EYS: variants seen among roughly 807,000 people sequenced by gnomAD.
The protein encoded by EYS is protein eyes shut homolog.
EYS carries 250 observed loss-of-function variants against 282.1 expected under a neutral mutation model. That is an observed-to-expected ratio of 0.89 (90% CI 0.80 to 0.98). The LOEUF (loss-of-function observed/expected upper bound fraction) is 0.98, where lower values mean the gene tolerates loss of function less well. Among genes scored for constraint, EYS ranks in the 50% least tolerant of loss-of-function variants. The pLI is 0.00. For missense variants in EYS, 4,016 were observed against 3,709.0 expected (o/e 1.08, Z -2.15); for synonymous variants, 1,355 against 1,282.9 (o/e 1.06, Z -1.20).
intron 5 of EYS, among the ~76,000 whole-genome samples, chr6:65,473,203 G>A (rs2127243727): frequency 6.6e-6 from 1 of 151,922 alleles, no homozygotes; most frequent in Admixed American, 6.6e-5. Context: ...GGGACTGTAT[G>A]GTTAAGAATA....
At chr6:64,826,701 TATC>T (rs1765071004) in intron 19 of EYS, among the ~76,000 whole-genome samples, 5 of 149,084 alleles carry the variant, frequency 3.4e-5, no homozygotes, top group Admixed American at 2.0e-4. Context: ...TATATATATA[TATC>T]TGTCAATCAG....
chr6:64,857,736 G>A (rs941125521), intron 19 of EYS, among the ~76,000 whole-genome samples: 1 of 152,044 alleles, frequency 6.6e-6, no homozygotes, highest in African/African-American at 2.4e-5. Context: ...ATTTACATGA[G>A]TTCCCTTTTT....
chr6:64,820,172 G>C (rs1422081231), intron 21 of EYS, among the ~76,000 whole-genome samples: 2 of 151,882 alleles, frequency 1.3e-5, no homozygotes, highest in South Asian at 2.1e-4. Context: ...CATTTTAATG[G>C]AATGATTCCT....
chr6:65,162,574 A>G (rs1304986380), intron 12 of EYS, among the ~76,000 whole-genome samples: 1 of 151,120 alleles, frequency 6.6e-6, no homozygotes, highest in African/African-American at 2.4e-5. Context: ...TTTTCAATTA[A>G]CTAATTCTGA....
intron 22 of EYS, among the ~76,000 whole-genome samples, chr6:64,701,072 C>G (rs1349525856): frequency 2.0e-5 from 3 of 151,972 alleles, no homozygotes; most frequent in Non-Finnish European, 4.4e-5. Context: ...AGTCACGTAA[C>G]TATAGTCCAT....
At chr6:65,583,495 T>A (rs941595322) in intron 2 of EYS, among the ~76,000 whole-genome samples, 1 of 152,060 alleles carries the variant, frequency 6.6e-6, no homozygotes, top group African/African-American at 2.4e-5. Context: ...CCACTACAAA[T>A]AATATTTTAA....
intron 26 of EYS, among the ~76,000 whole-genome samples, chr6:64,482,362 C>A (rs1276646839): frequency 6.6e-6 from 1 of 151,580 alleles, no homozygotes; most frequent in Non-Finnish European, 1.5e-5. Flanking sequence ...TAGCATTGGC[C>A]ACCATATATG....
At position 64,692,977 on chromosome 6, in the gene EYS, CTTTTTT is replaced by C. The variant is rs67700846; in HGVS notation, c.3444-66738_3444-66733del. On this transcript the variant is annotated intron_variant, in intron 22 of 42. Coordinates refer to ENST00000503581, the MANE Select transcript of EYS (RefSeq NM_001142800.2). ...CTTGGGATTGGTTTGGCTGCTTGGG[CTTTTTT>C]TTTTTTTTTTTTTTTTGGTTCCAGA... 3.5e-4 allele frequency among the ~76,000 whole-genome samples: 4 copies of C among 11,500 alleles called. 1 individual carries two copies. In the Admixed American group the frequency reaches 5.6e-3, roughly 16 times the overall value. The allele number at this position is 11,500 out of a possible 152,430, so 7.5% of individuals were successfully genotyped here. A position where few individuals can be genotyped will look rare whatever the true frequency, so the allele number is the denominator to read the frequency against.
chr6:64,745,259 G>C (rs1288966433), intron 22 of EYS, among the ~76,000 whole-genome samples: 1 of 152,098 alleles, frequency 6.6e-6, no homozygotes, highest in Non-Finnish European at 1.5e-5. Flanking sequence ...TTAATAAGAT[G>C]TTAAGAAAAC....
At chr6:64,033,866 TTGGG>T (rs1769986479) in intron 33 of EYS, among the ~76,000 whole-genome samples, 1 of 149,784 alleles carries the variant, frequency 6.7e-6, no homozygotes. Context: ...ATATATAAAA[TTGGG>T]AGTGGACTTA....
intron 33 of EYS, among the ~76,000 whole-genome samples, chr6:64,019,333 G>A (rs946132355): frequency 2.6e-5 from 4 of 152,044 alleles, no homozygotes; most frequent in African/African-American, 4.8e-5. Flanking sequence ...ATAAATTTCT[G>A]TTGTTTTAGG....
intron 12 of EYS, among the ~76,000 whole-genome samples, chr6:65,069,717 G>C (rs1353549334): frequency 1.3e-5 from 2 of 151,774 alleles, no homozygotes; most frequent in African/African-American, 4.8e-5. Context: ...CATTATACTG[G>C]TTTTAATTTT....
intron 22 of EYS, among the ~76,000 whole-genome samples, chr6:64,675,322 C>A (rs1456570009): frequency 6.6e-6 from 1 of 151,662 alleles, no homozygotes; most frequent in Non-Finnish European, 1.5e-5. Context: ...GACTTCAGTT[C>A]TTAATAAATG....
chr6:63,929,977 G>A (rs568468949), intron 35 of EYS, among the ~76,000 whole-genome samples: 24 of 152,096 alleles, frequency 1.6e-4, no homozygotes, highest in Admixed American at 3.9e-4. Flanking sequence ...CCTATGTGTC[G>A]TCACGTCTTA....
intron 31 of EYS, among the ~76,000 whole-genome samples, chr6:64,131,547 C>T (rs113856306): frequency 0.019 from 2,948 of 151,904 alleles, 88 homozygotes; most frequent in African/African-American, 0.067. Context: ...GGGAGCAGTG[C>T]GGGGAGTACA....
intron 30 of EYS, among the ~76,000 whole-genome samples, chr6:64,262,523 C>T (rs1464188282): frequency 6.6e-6 from 1 of 151,756 alleles, no homozygotes; most frequent in Non-Finnish European, 1.5e-5. Flanking sequence ...GAATAGTATG[C>T]TTTTTAAGAC....
intron 11 of EYS, among the ~76,000 whole-genome samples, chr6:65,326,209 T>C (rs751947614): frequency 1.3e-5 from 2 of 151,986 alleles, no homozygotes; most frequent in African/African-American, 4.8e-5. Flanking sequence ...TTTCCTTTAA[T>C]TGCTTCTCAA....
intron 35 of EYS, among the ~76,000 whole-genome samples, chr6:63,959,800 G>A (rs760587160): frequency 5.9e-5 from 9 of 152,140 alleles, no homozygotes; most frequent in Non-Finnish European, 1.2e-4. Context: ...CTCATAACTG[G>A]GAGTTGAACA....
intron 1 of EYS, among the ~76,000 whole-genome samples, chr6:65,697,199 T>C (rs1769485985): frequency 6.6e-6 from 1 of 152,098 alleles, no homozygotes; most frequent in Non-Finnish European, 1.5e-5. Context: ...ATAATTAAAA[T>C]GATATAGATT....
Sources: allele counts gnomAD v4.1 joint callset (sites outside exome capture counted in the v4.1 genomes callset), GRCh38; gene constraint gnomAD v4.1.1; transcripts MANE v1.5; gene names NCBI Gene and HGNC (gene_info 2026-07-23, HGNC 2026-07-21).